The following HS6ST3 variants were observed in gnomAD, a reference collection of about 807,000 sequenced individuals.
The protein encoded by HS6ST3 is heparan-sulfate 6-O-sulfotransferase 3.
In HS6ST3, 12 loss-of-function variants were observed where a neutral mutation model predicts 36.7. That is an observed-to-expected ratio of 0.33 (90% CI 0.21 to 0.53). HS6ST3 has a LOEUF of 0.53. Among genes scored for constraint, HS6ST3 ranks in the 20% least tolerant of loss-of-function variants. HS6ST3 has a pLI of 0.95. For missense variants in HS6ST3, 584 were observed against 640.9 expected, an observed-to-expected ratio of 0.91 and a Z score of 0.96; for synonymous variants, 240 against 257.5, an observed-to-expected ratio of 0.93 and a Z score of 0.65.
In HS6ST3 at chr13:96,318,078, T is replaced by C. The variant is rs143448188; in HGVS notation, c.707+226509T>C. ...ATTAGGTTCTACTTGTAAATTTTTG[T>C]TCTTATTACAATTGCTTTTGGGGAC... On this transcript the variant is annotated intron_variant, in intron 1 of 1. Transcript: ENST00000376705. Among the ~76,000 whole-genome samples, 138 of 152,304 alleles carry C rather than the reference T, an allele frequency of 9.1e-4. 1 individual carries two copies. Among genetic ancestry groups the C allele is most frequent in the Middle Eastern group, 3.4e-3 (1 of 294 alleles).
intron 1 of HS6ST3, among the ~76,000 whole-genome samples, chr13:96,656,811 A>G (rs1257493463): frequency 6.6e-6 from 1 of 152,184 alleles, no homozygotes; most frequent in Middle Eastern, 3.2e-3. Flanking sequence ...CTTACATTTC[A>G]TAGCAAACTG....
intron 1 of HS6ST3, among the ~76,000 whole-genome samples, chr13:96,813,850 G>T (rs1028554955): frequency 7.2e-5 from 11 of 152,166 alleles, no homozygotes; most frequent in Admixed American, 5.9e-4. Context: ...AGGTCAAACG[G>T]ATTCTACTCT....
At chr13:96,496,126 G>C (rs946693683) in intron 1 of HS6ST3, among the ~76,000 whole-genome samples, 3 of 152,160 alleles carry the variant, frequency 2.0e-5, no homozygotes, top group Admixed American at 6.5e-5. Flanking sequence ...CAGGAACTGT[G>C]CTCCCATCCC....
intron 1 of HS6ST3, among the ~76,000 whole-genome samples, chr13:96,655,328 T>C (rs1433366110): frequency 1.3e-5 from 2 of 152,148 alleles, no homozygotes; most frequent in Non-Finnish European, 2.9e-5. Context: ...AGAAATGTGC[T>C]TTCAGAGTCT....
chr13:96,615,572 TA>T, intron 1 of HS6ST3, among the ~76,000 whole-genome samples: 2 of 152,252 alleles, frequency 1.3e-5, no homozygotes, highest in African/African-American at 4.8e-5. Context: ...TATCTGAAAA[TA>T]AGTTGGAAGG....
In HS6ST3 at chr13:96,839,159, G is replaced by A. The variant is rs2138556722; in HGVS notation, c.*5961G>A. The stretch of plus-strand genomic sequence containing the variant: ...TTGTGTACTTCAGTAATTGTCACAT[G>A]TGTCTTCCACCTCCTTGACATTTAT... On this transcript the variant is annotated 3_prime_UTR_variant, in exon 2 of 2. Coordinates refer to ENST00000376705, the MANE Select transcript of HS6ST3 (RefSeq NM_153456.4). 1 of 152,276 alleles carries A rather than the reference G, an allele frequency of 6.6e-6. No homozygotes were observed. The highest frequency in any genetic ancestry group is 2.1e-4 in the South Asian group (1 of 4,830). 9.4% of individuals were successfully genotyped at this position (152,276 alleles called of 1,614,324 possible).
intron 1 of HS6ST3, among the ~76,000 whole-genome samples, chr13:96,619,625 G>A (rs1566413004): frequency 6.6e-6 from 1 of 152,176 alleles, no homozygotes; most frequent in East Asian, 1.9e-4. Flanking sequence ...ACAGCAGCCT[G>A]TGAAATTGGA....
At chr13:96,605,714 A>C (rs995802512) in intron 1 of HS6ST3, among the ~76,000 whole-genome samples, 6 of 152,170 alleles carry the variant, frequency 3.9e-5, no homozygotes, top group African/African-American at 1.4e-4. Flanking sequence ...TTTAATTTCA[A>C]ATGGTTCAAT....
intron 1 of HS6ST3, among the ~76,000 whole-genome samples, chr13:96,630,149 A>T (rs2056527065): frequency 6.6e-6 from 1 of 152,184 alleles, no homozygotes; most frequent in Admixed American, 6.5e-5. Flanking sequence ...GAGCATGTGA[A>T]ACATAATTCT....
intron 1 of HS6ST3, among the ~76,000 whole-genome samples, chr13:96,096,372 A>G (rs904468322): frequency 6.6e-6 from 1 of 152,204 alleles, no homozygotes; most frequent in African/African-American, 2.4e-5. Flanking sequence ...AACTTGAGGA[A>G]TGTCTGGGTA....
chr13:96,583,470 C>T (rs2056349808), intron 1 of HS6ST3, among the ~76,000 whole-genome samples: 1 of 151,854 alleles, frequency 6.6e-6, no homozygotes, highest in African/African-American at 2.4e-5. Context: ...CCTCGACCTC[C>T]CAAAGTGCCG....
At position 96,173,290 on chromosome 13, in the gene HS6ST3, A is replaced by G. The variant is rs141916139; in HGVS notation, c.707+81721A>G. Among the ~76,000 whole-genome samples, 998 of 152,310 alleles carry G rather than the reference A, an allele frequency of 6.6e-3. 5 individuals carry two copies. The highest frequency in any genetic ancestry group is 0.014 in the South Asian group (66 of 4,820). ...CTCCCAGAGATTAAGTGACTTGTTC[A>G]TGATAGCACCATTAGCAAAGATCCT... On this transcript the variant is annotated intron_variant, in intron 1 of 1. Coordinates refer to ENST00000376705, the MANE Select transcript of HS6ST3 (RefSeq NM_153456.4).
chr13:96,239,680 G>T (rs1566298141), intron 1 of HS6ST3, among the ~76,000 whole-genome samples: 2 of 152,198 alleles, frequency 1.3e-5, no homozygotes, highest in South Asian at 2.1e-4. Context: ...ATCACACAAA[G>T]AGTTTATATA....
chr13:96,563,689 T>C (rs2056270897), intron 1 of HS6ST3, among the ~76,000 whole-genome samples: 1 of 152,220 alleles, frequency 6.6e-6, no homozygotes, highest in Admixed American at 6.5e-5. Context: ...CAGAATCATG[T>C]CACTCTATAA....
At chr13:96,421,285 G>A (rs893353860) in intron 1 of HS6ST3, among the ~76,000 whole-genome samples, 5 of 152,070 alleles carry the variant, frequency 3.3e-5, no homozygotes, top group African/African-American at 9.7e-5. Context: ...AGAGAGATTC[G>A]TAAATTGTTT....
At chr13:96,414,460 C>T (rs1365796308) in intron 1 of HS6ST3, among the ~76,000 whole-genome samples, 1 of 152,036 alleles carries the variant, frequency 6.6e-6, no homozygotes, top group African/African-American at 2.4e-5. Flanking sequence ...AACTTCAACC[C>T]AAATTTCTTG....
chr13:96,684,423 TG>T (rs1157386551), intron 1 of HS6ST3, among the ~76,000 whole-genome samples: 6 of 152,022 alleles, frequency 3.9e-5, no homozygotes, highest in African/African-American at 1.4e-4. Context: ...ACTTTTGAAA[TG>T]AAGTCTTCAC....
rs138069092 is a variant in HS6ST3 at position 96,536,233 on chromosome 13, T to C, written c.708-296257T>C. On this transcript the variant is annotated intron_variant, in intron 1 of 1. Transcript: ENST00000376705. ...TGTTAAAGCCTTTTCCTGGTATCTC[T>C]TGGAAACACTTAGAAGCTTTGGCAG... Among the ~76,000 whole-genome samples, 136 of 152,330 alleles carry C rather than the reference T, an allele frequency of 8.9e-4. No homozygotes were observed. In the East Asian group the frequency reaches 0.023, roughly 26 times the overall value.
chr13:96,094,466 G>T (rs558030012), intron 1 of HS6ST3, among the ~76,000 whole-genome samples: 2 of 152,270 alleles, frequency 1.3e-5, no homozygotes, highest in East Asian at 3.9e-4. Flanking sequence ...CTTGTATTAA[G>T]CATCCTAGGT....
Sources: gnomAD v4.1 joint callset for allele counts (sites outside exome capture counted in the v4.1 genomes callset) on GRCh38, gnomAD v4.1.1 for gene constraint, MANE v1.5 for transcripts, NCBI Gene and HGNC (gene_info 2026-07-23, HGNC 2026-07-21) for gene names.